Variants in MAPKAP1 observed in about 807,000 individuals in gnomAD.
MAPKAP1 encodes MAPK associated protein 1, also known as target of rapamycin complex 2 subunit MAPKAP1.
A neutral mutation model predicts 65.7 loss-of-function variants in MAPKAP1; 20 were observed. The ratio of observed to expected loss-of-function variants is 0.30; its 90% CI spans 0.21 to 0.44. The LOEUF is 0.44. Ranked by LOEUF, MAPKAP1 falls within the 20% of genes least tolerant of loss-of-function variation. MAPKAP1 has a pLI of 1.00. For synonymous variants in MAPKAP1, 222 were observed against 244.3 expected, an observed-to-expected ratio of 0.91 and a Z score of 0.85; for missense variants, 423 against 648.0, an observed-to-expected ratio of 0.65 and a Z score of 3.77.
intron 1 of MAPKAP1, among the ~76,000 whole-genome samples, chr9:125,673,960 A>AAAAC (rs33959139): frequency 0.91 from 138,633 of 151,626 alleles, 64,551 homozygotes; most frequent in East Asian, 1. Flanking sequence ...AAAACAAAAC[A>AAAAC]AAACATACAA....
chr9:125,703,894 T>C (rs1835680606), intron 1 of MAPKAP1, among the ~76,000 whole-genome samples: 1 of 152,180 alleles, frequency 6.6e-6, no homozygotes. Flanking sequence ...CAAATTATCT[T>C]AGGCTGAATC....
intron 4 of MAPKAP1, among the ~76,000 whole-genome samples, chr9:125,625,257 A>AAAAAAAAAAAAAAAAAAAAAAAAATT (rs1833077956): frequency 1.6e-5 from 1 of 64,064 alleles, no homozygotes; most frequent in Admixed American, 1.7e-4. Flanking sequence ...TAAATAAATA[A>AAAAAAAAAAAAAAAAAAAAAAAAATT]AAAAAAAAAA....
chr9:125,595,702 G>C lies in MAPKAP1; in HGVS notation c.499-9975C>G. 2 of 1,559,130 alleles carry C rather than the reference G, an allele frequency of 1.3e-6. No homozygotes were observed. Among genetic ancestry groups the C allele is most frequent in the African/African-American group, 2.7e-5 (2 of 73,912 alleles). On this transcript the variant is annotated intron_variant, in intron 4 of 11. Coordinates refer to ENST00000265960, the MANE Select transcript of MAPKAP1 (RefSeq NM_001006617.3). This position sits in a 1 kb window ranked among gnomAD's most constrained non-coding sequence, Gnocchi z 4.0. ...CAGAGTCTCCTAAAGAGCCGGAACAGCTAAGGAATCTCTTCATTGGAGGGT... is the reference window on the plus strand; with the variant it reads ...CAGAGTCTCCTAAAGAGCCGGAACACCTAAGGAATCTCTTCATTGGAGGGT...
chr9:125,655,783 TAATC>T (rs1433672008), intron 4 of MAPKAP1, among the ~76,000 whole-genome samples: 2 of 152,264 alleles, frequency 1.3e-5, no homozygotes, highest in African/African-American at 4.8e-5. Flanking sequence ...AAATCTTTCT[TAATC>T]AATGCATAAT....
chr9:125,693,577 A>G (rs1387505684), intron 1 of MAPKAP1, among the ~76,000 whole-genome samples: 2 of 151,090 alleles, frequency 1.3e-5, no homozygotes, highest in Admixed American at 1.3e-4. Context: ...ACATACACAC[A>G]CATATATACA....
At chr9:125,650,790 T>A (rs1352369426) in intron 4 of MAPKAP1, among the ~76,000 whole-genome samples, 1 of 152,318 alleles carries the variant, frequency 6.6e-6, no homozygotes, top group Non-Finnish European at 1.5e-5. Context: ...CTATGAGAAG[T>A]AGAATGCCGA....
At chr9:125,692,050 T>C (rs1835186746) in intron 1 of MAPKAP1, among the ~76,000 whole-genome samples, 2 of 152,224 alleles carry the variant, frequency 1.3e-5, no homozygotes, top group Non-Finnish European at 2.9e-5. Flanking sequence ...AGGCTGACCT[T>C]ATGCATTGTT....
At chr9:125,671,038 A>G (rs1834482980) in intron 2 of MAPKAP1, among the ~76,000 whole-genome samples, 1 of 152,166 alleles carries the variant, frequency 6.6e-6, no homozygotes, top group South Asian at 2.1e-4. Flanking sequence ...TTCAATTGCA[A>G]TTAATAAATG....
intron 5 of MAPKAP1, among the ~76,000 whole-genome samples, chr9:125,560,418 C>A (rs1429636549): frequency 6.6e-5 from 10 of 151,982 alleles, no homozygotes; most frequent in Admixed American, 6.6e-4. Context: ...AACCCCATCT[C>A]TGCTAAAATA....
intron 8 of MAPKAP1, among the ~76,000 whole-genome samples, chr9:125,490,576 A>C (rs1854672270): frequency 1.3e-5 from 2 of 152,132 alleles, no homozygotes; most frequent in South Asian, 4.1e-4. Flanking sequence ...CAACAAAAAA[A>C]CAACAACAAA....
intron 5 of MAPKAP1, among the ~76,000 whole-genome samples, chr9:125,584,071 A>C (rs1053332796): frequency 1.3e-5 from 2 of 152,124 alleles, no homozygotes; most frequent in Non-Finnish European, 2.9e-5. Context: ...TCCAAAAAAA[A>C]AAAAAAGAAT....
intron 4 of MAPKAP1, among the ~76,000 whole-genome samples, chr9:125,613,349 T>C (rs943138388): frequency 2.0e-5 from 3 of 152,238 alleles, no homozygotes; most frequent in Non-Finnish European, 4.4e-5. Context: ...GGCTATCAGC[T>C]GTTAGTCCTT....
intron 8 of MAPKAP1, among the ~76,000 whole-genome samples, chr9:125,492,864 C>G (rs1854785290): frequency 6.6e-6 from 1 of 152,234 alleles, no homozygotes; most frequent in African/African-American, 2.4e-5. Context: ...TTGACTGTTT[C>G]TTCTAGACTA....
At chr9:125,649,738 T>A (rs890366296) in intron 4 of MAPKAP1, among the ~76,000 whole-genome samples, 1 of 148,576 alleles carries the variant, frequency 6.7e-6, no homozygotes, top group Non-Finnish European at 1.5e-5. Flanking sequence ...ATGGTAACAG[T>A]CTATGATCTG....
intron 7 of MAPKAP1, among the ~76,000 whole-genome samples, chr9:125,512,735 C>A (rs1360150736): frequency 1.3e-5 from 2 of 152,040 alleles, no homozygotes; most frequent in Non-Finnish European, 2.9e-5. Flanking sequence ...GCGCCCGCCA[C>A]CATGCCCGGC....
intron 7 of MAPKAP1, among the ~76,000 whole-genome samples, chr9:125,509,587 T>C (rs1829241757): frequency 6.6e-6 from 1 of 152,176 alleles, no homozygotes. Context: ...GCAGACACGA[T>C]CTGTTTATGT....
At chr9:125,551,258 T>A (rs2133192675) in intron 6 of MAPKAP1, among the ~76,000 whole-genome samples, 1 of 152,242 alleles carries the variant, frequency 6.6e-6, no homozygotes, top group Middle Eastern at 3.4e-3. Context: ...ATGACACCCT[T>A]TAATAAAGGT....
At chr9:125,638,711 T>G (rs1833493380) in intron 4 of MAPKAP1, among the ~76,000 whole-genome samples, 1 of 152,210 alleles carries the variant, frequency 6.6e-6, no homozygotes, top group African/African-American at 2.4e-5. Context: ...GCCTGCACCC[T>G]TTAAGACTGC....
At chr9:125,682,066 T>C (rs1485091862) in intron 1 of MAPKAP1, among the ~76,000 whole-genome samples, 2 of 148,644 alleles carry the variant, frequency 1.3e-5, no homozygotes. Context: ...CCCTCCCCTA[T>C]GTTTGTTTTA....
Sources: allele counts gnomAD v4.1 joint callset (sites outside exome capture counted in the v4.1 genomes callset), GRCh38; gene constraint gnomAD v4.1.1; non-coding constraint Gnocchi (gnomAD v3.1); transcripts MANE v1.5; gene names NCBI Gene and HGNC (gene_info 2026-07-23, HGNC 2026-07-21).